Variants in PPP6R3 observed in about 807,000 individuals in gnomAD.
PPP6R3 encodes the protein serine/threonine-protein phosphatase 6 regulatory subunit 3.
Under a neutral mutation model 110.7 loss-of-function variants are expected in PPP6R3, and 38 were observed. That is an observed-to-expected ratio of 0.34 (90% CI 0.26 to 0.45). PPP6R3 has a LOEUF of 0.45. PPP6R3 is among the 20% of genes least tolerant of loss of function. The pLI is 1.00. For synonymous variants in PPP6R3, 369 were observed against 373.5 expected (o/e 0.99, Z 0.14); for missense variants, 870 against 1,062.4 (o/e 0.82, Z 2.52).
chr11:68,488,260 T>A (rs1301736165), intron 1 of PPP6R3, among the ~76,000 whole-genome samples: 2 of 152,210 alleles, frequency 1.3e-5, no homozygotes, highest in Non-Finnish European at 2.9e-5. Context: ...ACTTGCTCTA[T>A]AGCCCAGGCT....
chr11:68,544,119 A>G (rs963040467), intron 3 of PPP6R3, among the ~76,000 whole-genome samples: 1 of 152,186 alleles, frequency 6.6e-6, no homozygotes, highest in Non-Finnish European at 1.5e-5. Context: ...TGGTTTTGAC[A>G]CAAGGTCTCA....
intron 22 of PPP6R3, among the ~76,000 whole-genome samples, chr11:68,605,428 A>T (rs1007277508): frequency 2.0e-5 from 3 of 152,238 alleles, no homozygotes; most frequent in Non-Finnish European, 4.4e-5. Flanking sequence ...GAATGCCATT[A>T]TAATTCAATG....
chr11:68,581,747 C>CT (rs1403876895), intron 14 of PPP6R3, among the ~76,000 whole-genome samples: 1 of 152,250 alleles, frequency 6.6e-6, no homozygotes, highest in Non-Finnish European at 1.5e-5. Context: ...CAGTAACTCA[C>CT]TAAAGCCACT....
intron 7 of PPP6R3, among the ~76,000 whole-genome samples, chr11:68,558,000 CATTT>C (rs1302108678): frequency 6.6e-6 from 1 of 152,180 alleles, no homozygotes; most frequent in Non-Finnish European, 1.5e-5. Flanking sequence ...AATTTAGTCA[CATTT>C]ATTTCATTGC....
intron 22 of PPP6R3, among the ~76,000 whole-genome samples, chr11:68,606,496 T>G (rs1323518231): frequency 2.9e-5 from 4 of 137,452 alleles, no homozygotes; most frequent in East Asian, 2.1e-4. Flanking sequence ...TTTTTTTTTT[T>G]GTAGTGATGG....
At chr11:68,529,895 G>T (rs914480521) in intron 2 of PPP6R3, among the ~76,000 whole-genome samples, 1 of 152,202 alleles carries the variant, frequency 6.6e-6, no homozygotes, top group African/African-American at 2.4e-5. Context: ...GGCCATTTCA[G>T]TGCGGAGAGA....
At chr11:68,539,115 C>T (rs975175859) in intron 3 of PPP6R3, among the ~76,000 whole-genome samples, 7 of 152,260 alleles carry the variant, frequency 4.6e-5, no homozygotes, top group Middle Eastern at 3.4e-3. Flanking sequence ...CTTGGAATTC[C>T]CTTCACAGTG....
At chr11:68,506,433 A>AAAAAAAAAAAAAAAAT (rs2099077868) in intron 1 of PPP6R3, among the ~76,000 whole-genome samples, 1 of 145,508 alleles carries the variant, frequency 6.9e-6, no homozygotes, top group Non-Finnish European at 1.5e-5. Flanking sequence ...AAAAAAAAAA[A>AAAAAAAAAAAAAAAAT]AAAAAAAAAA....
At chr11:68,512,439 T>C (rs755944561) in intron 1 of PPP6R3, among the ~76,000 whole-genome samples, 20 of 152,330 alleles carry the variant, frequency 1.3e-4, no homozygotes, top group Non-Finnish European at 2.5e-4. Context: ...TTAAAGATCA[T>C]AATCTCTAAA....
At chr11:68,533,334 A>G (rs1487794744) in intron 2 of PPP6R3, among the ~76,000 whole-genome samples, 2 of 152,206 alleles carry the variant, frequency 1.3e-5, no homozygotes, top group Non-Finnish European at 2.9e-5. Context: ...AGTATGTCCA[A>G]TACAAAGAAA....
chr11:68,517,938 C>CAAA (rs34246025), intron 1 of PPP6R3, among the ~76,000 whole-genome samples: 1 of 128,122 alleles, frequency 7.8e-6, no homozygotes, highest in Non-Finnish European at 1.7e-5. Flanking sequence ...ACCCTGTCTT[C>CAAA]AAAAAAAAAA....
At position 68,558,520 on chromosome 11, in the gene PPP6R3, G is replaced by A. The variant is rs377720092; in HGVS notation, c.732-46G>A. On this transcript the variant is annotated intron_variant, in intron 7 of 23. Coordinates refer to ENST00000393800, the MANE Select transcript of PPP6R3 (RefSeq NM_001164161.2). ...GTCGTCTTTTTTTCTGAGGTTGTTG[G>A]TGATAAGTGATACTGCAGTTAGTGA... 103 of 1,257,848 alleles carry A rather than the reference G, an allele frequency of 8.2e-5. No homozygotes were observed. In the East Asian group the frequency reaches 1.1e-3, roughly 13 times the overall value. The allele number at this position is 1,257,848 out of a possible 1,614,324, so 77.9% of individuals were successfully genotyped here.
At chr11:68,581,818 G>C (rs1280988789) in intron 14 of PPP6R3, among the ~76,000 whole-genome samples, 1 of 152,222 alleles carries the variant, frequency 6.6e-6, no homozygotes, top group Admixed American at 6.5e-5. Flanking sequence ...CATCAGGCCA[G>C]ATTCACAAAC....
chr11:68,579,006 G>T (rs1351433054), intron 14 of PPP6R3, among the ~76,000 whole-genome samples: 1 of 152,056 alleles, frequency 6.6e-6, no homozygotes, highest in Non-Finnish European at 1.5e-5. Context: ...TTCATTTTTT[G>T]CCCTCTTCCC....
intron 1 of PPP6R3, among the ~76,000 whole-genome samples, chr11:68,503,066 C>G (rs907680567): frequency 1.2e-4 from 18 of 152,142 alleles, no homozygotes; most frequent in Admixed American, 1.1e-3. Flanking sequence ...GCCTCAGCCT[C>G]CCGAGTACCT....
intron 14 of PPP6R3, 125 bp from the exon 15 acceptor site, chr11:68,582,918 T>C: frequency 2.6e-6 from 2 of 780,836 alleles, no homozygotes; most frequent in Non-Finnish European, 4.0e-6. Flanking sequence ...TAACTGTGAC[T>C]GACTTTCATT....
At chr11:68,498,831 C>G (rs1355983194) in intron 1 of PPP6R3, among the ~76,000 whole-genome samples, 1 of 152,140 alleles carries the variant, frequency 6.6e-6, no homozygotes, top group African/African-American at 2.4e-5. Flanking sequence ...TTCTGTTGTT[C>G]AGTATACCTA....
chr11:68,518,253 C>A (rs1431412276), intron 1 of PPP6R3, among the ~76,000 whole-genome samples: 1 of 152,110 alleles, frequency 6.6e-6, no homozygotes, highest in Non-Finnish European at 1.5e-5. Context: ...TAATTTTAAC[C>A]AAGTGATTGA....
chr11:68,468,391 T>G (rs2153230033), intron 1 of PPP6R3, among the ~76,000 whole-genome samples: 1 of 152,328 alleles, frequency 6.6e-6, no homozygotes, highest in East Asian at 1.9e-4. Context: ...CATCTGTCTC[T>G]TTTGTCTGCA....
Sources: allele counts gnomAD v4.1 joint callset (sites outside exome capture counted in the v4.1 genomes callset), GRCh38; gene constraint gnomAD v4.1.1; transcripts MANE v1.5; gene names NCBI Gene and HGNC (gene_info 2026-07-23, HGNC 2026-07-21).